SAMD3: variants seen among roughly 807,000 people sequenced by gnomAD.
SAMD3 encodes the protein sterile alpha motif domain containing 3, also known as sterile alpha motif domain-containing protein 3.
SAMD3 carries 63 observed loss-of-function variants against 58.5 expected under a neutral mutation model. The observed-to-expected ratio is 1.08, with a 90% CI of 0.88 to 1.33. The LOEUF (loss-of-function observed/expected upper bound fraction) is 1.33, where lower values mean the gene tolerates loss of function less well. Ranked by LOEUF, SAMD3 falls within the 40% of genes most tolerant of loss-of-function variation. SAMD3 has a pLI of 0.00. For synonymous variants in SAMD3, 220 were observed against 210.3 expected, an observed-to-expected ratio of 1.05 and a Z score of -0.40; for missense variants, 604 against 608.4, an observed-to-expected ratio of 0.99 and a Z score of 0.08.
intron 5 of SAMD3, among the ~76,000 whole-genome samples, chr6:130,194,947 CA>C (rs1793947448): frequency 6.6e-6 from 1 of 152,150 alleles, no homozygotes; most frequent in South Asian, 2.1e-4. Flanking sequence ...ACCTTCTTTT[CA>C]AGGGCCTGTT....
Position 130,203,150 on chromosome 6 carries a change from C to T in SAMD3, c.383+6345G>A, listed in dbSNP as rs149415196. ...TACCTGCACTTCCTAGAGCTGCTTC[C>T]GCTTTGGGACCACTTGTTAGAATCG... On this transcript the variant is annotated intron_variant, in intron 5 of 11. Coordinates refer to ENST00000439090, the MANE Select transcript of SAMD3 (RefSeq NM_001017373.4). Among the ~76,000 whole-genome samples the T allele has an allele frequency of 5.1e-4, 77 of 152,262 alleles. 1 individual carries two copies. In the East Asian group the frequency reaches 0.012, roughly 24 times the overall value.
At chr6:130,182,075 A>C (rs553225001) in intron 7 of SAMD3, among the ~76,000 whole-genome samples, 8,337 of 151,142 alleles carry the variant, frequency 0.055, 277 homozygotes, top group Non-Finnish European at 0.072. Context: ...AAAAAAAAAA[A>C]AAAAAAAAAA....
chr6:130,338,672 A>C (rs758778223), intron 1 of SAMD3, among the ~76,000 whole-genome samples: 3 of 152,174 alleles, frequency 2.0e-5, no homozygotes, highest in Non-Finnish European at 2.9e-5. Flanking sequence ...AAGGGAGATT[A>C]TTTTAGAGCT....
Position 130,187,945 on chromosome 6 carries a change from G to A in SAMD3, c.384-3322C>T, listed in dbSNP as rs199935304. On this transcript the variant is annotated intron_variant, in intron 5 of 11. Coordinates refer to ENST00000439090, the MANE Select transcript of SAMD3 (RefSeq NM_001017373.4). ...ATGTTAATGCCTACAGTTGGCCCCC[G>A]GCTAACTGAATCAGAGTTCACTGCT... Among the ~76,000 whole-genome samples the A allele has an allele frequency of 9.2e-5, 14 of 152,230 alleles. No individual in the cohort carries two copies. In the East Asian group the frequency reaches 1.9e-3, roughly 21 times the overall value.
chr6:130,329,507 C>T (rs919895458), intron 1 of SAMD3, among the ~76,000 whole-genome samples: 31 of 152,206 alleles, frequency 2.0e-4, no homozygotes, highest in Middle Eastern at 3.4e-3. Context: ...GACAGTGTGG[C>T]GATTCCTCAA....
intron 7 of SAMD3, among the ~76,000 whole-genome samples, chr6:130,183,833 AAGAGAGAGAGCCAGAG>A (rs1440486771): frequency 1.3e-5 from 2 of 150,974 alleles, no homozygotes; most frequent in Non-Finnish European, 2.9e-5. Context: ...CAGAGAGAGA[AAGAGAGAGAGCCAGAG>A]AGAGAGAGAG....
At chr6:130,189,120 C>A (rs4897373) in intron 5 of SAMD3, among the ~76,000 whole-genome samples, 102 of 144,448 alleles carry the variant, frequency 7.1e-4, no homozygotes, top group Middle Eastern at 3.6e-3. Flanking sequence ...AAAAAAAAAC[C>A]AAAAAACAAA....
chr6:130,213,220 C>T (rs1024128574), intron 4 of SAMD3, among the ~76,000 whole-genome samples: 2 of 151,956 alleles, frequency 1.3e-5, no homozygotes, highest in African/African-American at 4.8e-5. Context: ...ATTGCTTGAG[C>T]CCAGGAATTC....
At chr6:130,286,585 C>T (rs978073650) in intron 2 of SAMD3, among the ~76,000 whole-genome samples, 2 of 152,166 alleles carry the variant, frequency 1.3e-5, no homozygotes, top group Admixed American at 1.3e-4. Context: ...CCTTGGCCTA[C>T]TCATTGAAAA....
At chr6:130,355,711 G>T (rs1777809188) in intron 1 of SAMD3, among the ~76,000 whole-genome samples, 1 of 152,164 alleles carries the variant, frequency 6.6e-6, no homozygotes, top group South Asian at 2.1e-4. Context: ...TCTATCATTA[G>T]TGAGGCAAGA....
intron 1 of SAMD3, among the ~76,000 whole-genome samples, chr6:130,323,566 G>C (rs1004579267): frequency 6.6e-6 from 1 of 151,882 alleles, no homozygotes; most frequent in African/African-American, 2.4e-5. Context: ...ACTTTGGGAG[G>C]CCAAGGCAGG....
At chr6:130,231,999 A>C (rs1202786885) in intron 2 of SAMD3, among the ~76,000 whole-genome samples, 1 of 152,232 alleles carries the variant, frequency 6.6e-6, no homozygotes, top group Non-Finnish European at 1.5e-5. Flanking sequence ...TTGGGGATAC[A>C]AATTTTAATT....
chr6:130,184,550 G>A lies in SAMD3; in HGVS notation c.457C>T (p.Pro153Ser). ...GCTAACATGCATTTGACATCATAGG[G>A]AAACTCTGGTAAAACATAGGACTTC... is the stretch of plus-strand genomic sequence containing the variant. ...WTKSYVLPEF[P>S]YDVKCMLAEQ... is the part of the protein sequence containing the mutation. Residue 153 changes from proline to serine, a missense_variant, in exon 6 of 12, where the codon CCC (proline) becomes TCC (serine). Coordinates refer to ENST00000439090, the MANE Select transcript of SAMD3 (RefSeq NM_001017373.4). 1 of 1,614,136 alleles carries A rather than the reference G, an allele frequency of 6.2e-7. No individual in the cohort carries two copies. Among genetic ancestry groups the A allele is most frequent in the Non-Finnish European group, 8.5e-7 (1 of 1,179,974 alleles).
chr6:130,149,268 C>G (rs1225754544), intron 9 of SAMD3, among the ~76,000 whole-genome samples: 1 of 152,226 alleles, frequency 6.6e-6, no homozygotes, highest in Admixed American at 6.5e-5. Flanking sequence ...CACTTATACA[C>G]TGCTAGTGGG....
chr6:130,285,582 G>A (rs551453655), intron 2 of SAMD3, among the ~76,000 whole-genome samples: 20 of 152,262 alleles, frequency 1.3e-4, no homozygotes, highest in African/African-American at 4.8e-4. Flanking sequence ...TGGAGGATGA[G>A]GAGAGAAAAA....
At chr6:130,167,578 TACTC>T (rs1214791794) in intron 8 of SAMD3, among the ~76,000 whole-genome samples, 1 of 152,248 alleles carries the variant, frequency 6.6e-6, no homozygotes, top group African/African-American at 2.4e-5. Flanking sequence ...CTTATGAAAT[TACTC>T]AGTTAAGTGT....
At chr6:130,225,336 C>T (rs998241275), upstream of SAMD3, among the ~76,000 whole-genome samples, 8 of 151,928 alleles carry the variant, frequency 5.3e-5, no homozygotes, top group African/African-American at 1.5e-4. Context: ...GTTTATATAG[C>T]GGGGAAGAAA....
chr6:130,250,613 C>T (rs1228177362), intron 2 of SAMD3, among the ~76,000 whole-genome samples: 3 of 152,134 alleles, frequency 2.0e-5, no homozygotes. Flanking sequence ...TATCATCTCC[C>T]CAAGCAACCA....
chr6:130,298,981 A>G (rs1258649083), intron 2 of SAMD3, among the ~76,000 whole-genome samples: 1 of 152,182 alleles, frequency 6.6e-6, no homozygotes, highest in East Asian at 1.9e-4. Context: ...CTAGACCTAA[A>G]GAGAAAGATA....
Sources: allele counts gnomAD v4.1 joint callset (sites outside exome capture counted in the v4.1 genomes callset), GRCh38; gene constraint gnomAD v4.1.1; transcripts MANE v1.5; gene names NCBI Gene and HGNC (gene_info 2026-07-23, HGNC 2026-07-21).